WWP1: variants seen among roughly 807,000 people sequenced by gnomAD.
The protein encoded by WWP1 is NEDD4-like E3 ubiquitin-protein ligase WWP1.
In WWP1, 49 loss-of-function variants were observed where a neutral mutation model predicts 130.6. The ratio of observed to expected loss-of-function variants is 0.38; its 90% CI spans 0.30 to 0.48. WWP1 has a LOEUF of 0.48. WWP1 is among the 20% of genes least tolerant of loss of function. WWP1 has a pLI of 0.99. For synonymous variants in WWP1, 332 were observed against 367.8 expected, an observed-to-expected ratio of 0.90 and a Z score of 1.11; for missense variants, 809 against 1,100.6, an observed-to-expected ratio of 0.74 and a Z score of 3.75.
Position 86,396,989 on chromosome 8 carries a change from A to G in WWP1, c.335-1353A>G, listed in dbSNP as rs138259420. Among the ~76,000 whole-genome samples the G allele has an allele frequency of 5.9e-3, 898 of 152,202 alleles. 17 individuals are homozygous for G. Among genetic ancestry groups the G allele is most frequent in the African/African-American group, 0.02 (826 of 41,530 alleles). ...GTGATCCTCCTGTGTCGGCCTCCCA[A>G]AGTGCTGGGGTTACAGGTGTGAGCC... On this transcript the variant is annotated intron_variant, in intron 5 of 24. Transcript: ENST00000517970.
At chr8:86,459,638 TA>T (rs1162595546) in intron 22 of WWP1, among the ~76,000 whole-genome samples, 5 of 152,180 alleles carry the variant, frequency 3.3e-5, no homozygotes, top group Non-Finnish European at 7.4e-5. Flanking sequence ...AATACATACA[TA>T]AATAGGAAGG....
intron 9 of WWP1, among the ~76,000 whole-genome samples, chr8:86,424,080 T>G (rs1266363386): frequency 6.9e-6 from 1 of 145,416 alleles, no homozygotes; most frequent in Non-Finnish European, 1.5e-5. Flanking sequence ...GGCTCCTCAC[T>G]TCTCAGATGG....
chr8:86,407,666 T>C (rs1328835631), intron 8 of WWP1, among the ~76,000 whole-genome samples: 1 of 152,192 alleles, frequency 6.6e-6, no homozygotes, highest in Non-Finnish European at 1.5e-5. Context: ...TGAGCAGTAT[T>C]GAAGAACCAA....
intron 1 of WWP1, among the ~76,000 whole-genome samples, chr8:86,363,089 T>C (rs1397159091): frequency 6.6e-6 from 1 of 152,154 alleles, no homozygotes; most frequent in Non-Finnish European, 1.5e-5. Flanking sequence ...TAGTTACAGA[T>C]CAAATTGGCT....
intron 8 of WWP1, among the ~76,000 whole-genome samples, chr8:86,405,718 G>T (rs1438135838): frequency 6.6e-6 from 1 of 152,058 alleles, no homozygotes; most frequent in Non-Finnish European, 1.5e-5. Flanking sequence ...TTTTTGTAGA[G>T]ATGAGGTTTT....
At chr8:86,353,894 G>T (rs1216399800) in intron 1 of WWP1, among the ~76,000 whole-genome samples, 2 of 152,186 alleles carry the variant, frequency 1.3e-5, no homozygotes, top group African/African-American at 4.8e-5. Flanking sequence ...TTGTGTCGAT[G>T]TTTACAAGTG....
In WWP1 at chr8:86,408,909, C is replaced by CA. The variant is rs1002450445; in HGVS notation, c.725-2616dup. Among the ~76,000 whole-genome samples, 608 of 140,354 alleles carry CA rather than the reference C, an allele frequency of 4.3e-3. 2 individuals carry two copies. Among genetic ancestry groups the CA allele is most frequent in the African/African-American group, 0.014 (533 of 38,218 alleles). 92.1% of individuals were successfully genotyped at this position (140,354 alleles called of 152,430 possible). On this transcript the variant is annotated intron_variant, in intron 8 of 24. Transcript: ENST00000517970. ...TGGGTGACAGAGCAAGACTCTGTCT[C>CA]AAAAAAAAAAAAATTTTTTTTCTTC...
intron 1 of WWP1, among the ~76,000 whole-genome samples, chr8:86,363,809 A>AG (rs1823807955): frequency 6.6e-6 from 1 of 151,886 alleles, no homozygotes; most frequent in Non-Finnish European, 1.5e-5. Context: ...AAAAAAAAAA[A>AG]AAAAAGAAAT....
rs1262511708 is a variant in WWP1 at position 86,391,782 on chromosome 8, T to G, written c.335-6560T>G. ...GTAAATGCAATTAGGCCCTTGTGTT[T>G]GGTAGCTGGCAAGTAACGAAGTCAG... is the stretch of plus-strand genomic sequence containing the variant. On this transcript the variant is annotated intron_variant, in intron 5 of 24. Coordinates refer to ENST00000517970, the MANE Select transcript of WWP1 (RefSeq NM_007013.4). Among the ~76,000 whole-genome samples the G allele has an allele frequency of 3.3e-5, 5 of 152,180 alleles. No homozygotes were observed. In the South Asian group the frequency reaches 6.2e-4, roughly 19 times the overall value.
intron 14 of WWP1, among the ~76,000 whole-genome samples, chr8:86,433,775 G>A (rs535365455): frequency 1.3e-5 from 2 of 152,234 alleles, no homozygotes; most frequent in East Asian, 3.9e-4. Context: ...AAAATTAGCT[G>A]GGCGTGATGG....
chr8:86,357,321 A>G (rs1823320166), intron 1 of WWP1, among the ~76,000 whole-genome samples: 1 of 152,224 alleles, frequency 6.6e-6, no homozygotes, highest in African/African-American at 2.4e-5. Context: ...GATATTTTCT[A>G]CATGAGTCTT....
intron 5 of WWP1, among the ~76,000 whole-genome samples, chr8:86,382,425 G>A (rs540522562): frequency 5.9e-5 from 9 of 152,098 alleles, no homozygotes; most frequent in African/African-American, 2.2e-4. Flanking sequence ...CTAGCTGGGG[G>A]TGGTGGCTCA....
chr8:86,374,166 T>A (rs768123692), intron 3 of WWP1, 46 bp downstream of exon 3: 5 of 1,443,856 alleles, frequency 3.5e-6, no homozygotes, highest in Non-Finnish European at 4.8e-6. Context: ...GATGAACTTT[T>A]CTTTTGAATA....
chr8:86,366,116 T>A (rs183646399), intron 1 of WWP1, among the ~76,000 whole-genome samples: 2 of 152,352 alleles, frequency 1.3e-5, no homozygotes, highest in East Asian at 3.9e-4. Flanking sequence ...CGGAGAGTGC[T>A]GGAGAGACTG....
chr8:86,452,414 A>G, intron 20 of WWP1, 145 bp from the exon 21 acceptor site: 2 of 617,972 alleles, frequency 3.2e-6, no homozygotes, highest in South Asian at 3.0e-5. Context: ...ATATGTATTC[A>G]TACATATACA....
intron 5 of WWP1, among the ~76,000 whole-genome samples, chr8:86,398,115 A>G (rs755687317): frequency 1.3e-5 from 2 of 152,214 alleles, no homozygotes; most frequent in African/African-American, 2.4e-5. Flanking sequence ...AAATGTATTT[A>G]TATGTTCTCC....
In WWP1 at chr8:86,461,861, C is replaced by T. The variant is rs2130110442; in HGVS notation, c.2669+15C>T. 4 of 1,598,938 alleles carry T rather than the reference C, an allele frequency of 2.5e-6. No homozygotes were observed. Among genetic ancestry groups the T allele is most frequent in the Non-Finnish European group, 3.4e-6 (4 of 1,169,562 alleles). ...AGCCATACATGGTAAGTTCAAGAAT[C>T]CTAAATACGAAGGTGAAAGCCACAG... On this transcript the variant is annotated intron_variant, in intron 24 of 24. Coordinates refer to ENST00000517970, the MANE Select transcript of WWP1 (RefSeq NM_007013.4).
chr8:86,379,787 AT>A (rs1824877387), intron 3 of WWP1, among the ~76,000 whole-genome samples: 1 of 152,296 alleles, frequency 6.6e-6, no homozygotes, highest in Admixed American at 6.5e-5. Flanking sequence ...CAGTTATGTA[AT>A]TTCAGAAAGA....
At chr8:86,416,796 A>T (rs1385335833) in intron 9 of WWP1, among the ~76,000 whole-genome samples, 2 of 152,148 alleles carry the variant, frequency 1.3e-5, no homozygotes, top group Non-Finnish European at 2.9e-5. Context: ...ATGAATTTTC[A>T]CTACGGGATT....
Sources: allele counts gnomAD v4.1 joint callset (sites outside exome capture counted in the v4.1 genomes callset), GRCh38; gene constraint gnomAD v4.1.1; transcripts MANE v1.5; gene names NCBI Gene and HGNC (gene_info 2026-07-23, HGNC 2026-07-21).